The following BCL9 variants were observed in gnomAD, a reference collection of about 807,000 sequenced individuals.
BCL9 encodes the protein BCL9 transcription coactivator.
Under a neutral mutation model 88.5 loss-of-function variants are expected in BCL9, and 25 were observed. The ratio of observed to expected loss-of-function variants is 0.28; its 90% confidence interval spans 0.21 to 0.39. The LOEUF (loss-of-function observed/expected upper bound fraction) is 0.39, where lower values mean the gene tolerates loss of function less well. Ranked by LOEUF, BCL9 falls within the 10% of genes least tolerant of loss-of-function variation. The pLI, the probability that BCL9 is intolerant of heterozygous loss-of-function variation, is 1.00. For missense variants in BCL9, 1,817 were observed against 1,877.8 expected, an observed-to-expected ratio of 0.97 and a Z score of 0.60; for synonymous variants, 711 against 673.3, an observed-to-expected ratio of 1.06 and a Z score of -0.87.
At chr1:147,597,691 A>C (rs1553200632) in intron 1 of BCL9, among the ~76,000 whole-genome samples, 1 of 152,232 alleles carries the variant, frequency 6.6e-6, no homozygotes, top group South Asian at 2.1e-4. Flanking sequence ...ATTTAATAGA[A>C]TAAATCCTAG....
intron 1 of BCL9, among the ~76,000 whole-genome samples, chr1:147,599,576 G>T (rs960491708): frequency 6.6e-6 from 1 of 152,014 alleles, no homozygotes; most frequent in Non-Finnish European, 1.5e-5. Context: ...GGGACGGGAA[G>T]AGGAGACCCT....
intron 1 of BCL9, among the ~76,000 whole-genome samples, chr1:147,557,923 T>C (rs1472988910): frequency 2.0e-5 from 3 of 152,190 alleles, no homozygotes; most frequent in Admixed American, 2.0e-4. Flanking sequence ...GTGTCAGCCA[T>C]TATGCTAATT....
intron 1 of BCL9, among the ~76,000 whole-genome samples, chr1:147,544,149 G>T (rs1305487124): frequency 6.6e-6 from 1 of 152,166 alleles, no homozygotes; most frequent in Non-Finnish European, 1.5e-5. Context: ...TTGTTGGTAT[G>T]ATCAACATTA....
intron 1 of BCL9, among the ~76,000 whole-genome samples, chr1:147,549,590 G>T (rs782315568): frequency 1.3e-5 from 2 of 152,248 alleles, no homozygotes; most frequent in Admixed American, 6.5e-5. Context: ...AACAAAGAAG[G>T]AGTCACTGTA....
At position 147,619,355 on chromosome 1, in the gene BCL9, A is replaced by G; in HGVS notation, c.1200A>G (p.Lys400=). Residue 400 remains lysine (K), a synonymous_variant, in exon 8 of 10, where the codon AAA becomes AAG. Coordinates refer to ENST00000234739, the MANE Select transcript of BCL9 (RefSeq NM_004326.4). The surrounding 1 kb of genome is among the most constrained non-coding windows in gnomAD (Gnocchi z 4.1). ...CTGGGGTATTAGATGGGCCTCAGAA[A>G]AAACCAGAAGGGCCAATACAGGCCA... ...QNPGVLDGPQ[K]KPEGPIQAMM... The G allele has an allele frequency of 2.5e-6, 4 of 1,614,074 alleles. No homozygotes were observed. The highest frequency in any genetic ancestry group is 3.4e-6 in the Non-Finnish European group (4 of 1,180,032).
At position 147,619,085 on chromosome 1, in the gene BCL9, C is replaced by T. The variant is rs61751615; in HGVS notation, c.930C>T (p.Asn310=). Residue 310 remains asparagine, a synonymous_variant, in exon 8 of 10, where the codon AAC becomes AAT. Coordinates refer to ENST00000234739, the MANE Select transcript of BCL9 (RefSeq NM_004326.4). This position sits in a 1 kb window ranked among gnomAD's most constrained non-coding sequence, Gnocchi z 4.1. ...PDGTGPNSTP[N]NRAVTPVSQG... ...GTACTGGGCCCAACTCAACTCCCAA[C>T]AATAGGGCAGTGACCCCTGTCTCCC... 17 of 1,613,584 alleles carry T rather than the reference C, an allele frequency of 1.1e-5. No individual in the cohort carries two copies. In the East Asian group the frequency reaches 2.5e-4, roughly 23 times the overall value.
At chr1:147,543,947 C>T (rs1185354335) in intron 1 of BCL9, among the ~76,000 whole-genome samples, 1 of 152,276 alleles carries the variant, frequency 6.6e-6, no homozygotes, top group Non-Finnish European at 1.5e-5. Flanking sequence ...CTCTGCCCTG[C>T]TCATGTCATC....
intron 1 of BCL9, among the ~76,000 whole-genome samples, chr1:147,549,108 C>T (rs1332868387): frequency 6.6e-6 from 1 of 150,534 alleles, no homozygotes; most frequent in Admixed American, 6.7e-5. Context: ...TTCCAAGTAG[C>T]TGGGATTACA....
chr1:147,599,520 C>T (rs1553200882), intron 1 of BCL9, among the ~76,000 whole-genome samples: 1 of 151,384 alleles, frequency 6.6e-6, no homozygotes, highest in African/African-American at 2.5e-5. Flanking sequence ...CCCAGGACTG[C>T]GCGAGGCGGC....
chr1:147,616,154 T>C (rs1658274923), intron 7 of BCL9, among the ~76,000 whole-genome samples: 1 of 152,320 alleles, frequency 6.6e-6, no homozygotes, highest in Admixed American at 6.5e-5. Flanking sequence ...TATACAGATA[T>C]CTTTGGGTTT....
chr1:147,590,134 TG>T (rs1197774243), intron 1 of BCL9, among the ~76,000 whole-genome samples: 1 of 152,154 alleles, frequency 6.6e-6, no homozygotes, highest in Non-Finnish European at 1.5e-5. Context: ...CTCTAACTCC[TG>T]GGCTCAAGCC....
intron 5 of BCL9, 53 bp downstream of exon 5, chr1:147,613,252 AGGCCTCTGACAT>A (rs1658104013): frequency 1.9e-6 from 3 of 1,596,570 alleles, no homozygotes; most frequent in Non-Finnish European, 2.6e-6. Flanking sequence ...TCCTGAGGGA[AGGCCTCTGACAT>A]TCGACAGAGG....
In BCL9 at chr1:147,612,823, A is replaced by G. The variant is rs1213996325; in HGVS notation, c.54-60A>G. 9.7e-6 allele frequency: 15 copies of G among 1,541,892 alleles called. No homozygotes were observed. The African/African-American group carries it at 1.8e-4, about 18-fold the overall frequency. Reference sequence around the variant, plus strand: ...CCCCCAATAGAAACTGCCTCTCTCTAATTTGTGCTGACCAGCTGTATCTGG... The same window carrying G: ...CCCCCAATAGAAACTGCCTCTCTCTGATTTGTGCTGACCAGCTGTATCTGG... On this transcript the variant is annotated intron_variant, in intron 4 of 9. Transcript: ENST00000234739.
At chr1:147,546,602 CA>C in intron 1 of BCL9, among the ~76,000 whole-genome samples, 1 of 152,232 alleles carries the variant, frequency 6.6e-6, no homozygotes, top group South Asian at 2.1e-4. Context: ...CTCTGCTATT[CA>C]GTATTTTTCT....
chr1:147,549,253 A>G (rs1413572157), intron 1 of BCL9, among the ~76,000 whole-genome samples: 3 of 152,118 alleles, frequency 2.0e-5, no homozygotes, highest in African/African-American at 7.2e-5. Context: ...CTGGGATTAC[A>G]GGCATGAGCC....
intron 1 of BCL9, among the ~76,000 whole-genome samples, chr1:147,593,963 C>CAA (rs1259254566): frequency 6.6e-6 from 1 of 152,014 alleles, no homozygotes; most frequent in African/African-American, 2.4e-5. Flanking sequence ...TGTTTTTGAC[C>CAA]AAAATTACTT....
At chr1:147,587,970 T>G (rs1321588313) in intron 1 of BCL9, among the ~76,000 whole-genome samples, 1 of 152,204 alleles carries the variant, frequency 6.6e-6, no homozygotes, top group Non-Finnish European at 1.5e-5. Flanking sequence ...TATAATGATC[T>G]AAATATTAAA....
chr1:147,599,951 C>A (rs1335680802), intron 1 of BCL9, among the ~76,000 whole-genome samples: 1 of 143,824 alleles, frequency 7.0e-6, no homozygotes, highest in Non-Finnish European at 1.5e-5. Context: ...TTGCTGGTCG[C>A]GGGGCCGGAC....
At chr1:147,611,535 C>T (rs927563473) in intron 3 of BCL9, 43 bp from the exon 4 acceptor site, 1 of 443,574 alleles carries the variant, frequency 2.3e-6, no homozygotes, top group Non-Finnish European at 4.1e-6. Context: ...TTTTATGTCT[C>T]TGTTTTTGCT....
Sources: gnomAD v4.1 joint callset for allele counts (sites outside exome capture counted in the v4.1 genomes callset) on GRCh38, gnomAD v4.1.1 for gene constraint, Gnocchi (gnomAD v3.1) non-coding constraint, MANE v1.5 for transcripts, NCBI Gene and HGNC (gene_info 2026-07-23, HGNC 2026-07-21) for gene names.